SEMA3D: variants seen among roughly 807,000 people sequenced by gnomAD.
SEMA3D encodes the protein semaphorin-3D.
SEMA3D carries 84 observed loss-of-function variants against 100.1 expected under a neutral mutation model. The ratio of observed to expected loss-of-function variants is 0.84; its 90% CI spans 0.70 to 1.01. SEMA3D has a LOEUF of 1.01. SEMA3D is among the 50% of genes least tolerant of loss of function. The pLI is 0.00. For missense variants in SEMA3D, 875 were observed against 934.1 expected, an observed-to-expected ratio of 0.94 and a Z score of 0.82; for synonymous variants, 312 against 320.7, an observed-to-expected ratio of 0.97 and a Z score of 0.29.
intron 4 of SEMA3D, among the ~76,000 whole-genome samples, chr7:85,091,473 A>AT (rs942143978): frequency 5.9e-4 from 89 of 150,560 alleles, no homozygotes; most frequent in African/African-American, 1.9e-3. Flanking sequence ...AGTATTGCAT[A>AT]TTTTTTTTTA....
chr7:85,068,393 G>T (rs1176457514), intron 6 of SEMA3D, 109 bp from the exon 7 acceptor site: 2 of 662,202 alleles, frequency 3.0e-6, no homozygotes, highest in African/African-American at 3.6e-5. Flanking sequence ...AAAACTAATT[G>T]AGCATATAGC....
chr7:85,201,511 GTTTAT>G, the SEMA3D span, among the ~76,000 whole-genome samples: 1 of 152,036 alleles, frequency 6.6e-6, no homozygotes, highest in Non-Finnish European at 1.5e-5. Context: ...ATTTTGGGAT[GTTTAT>G]TTTATTATTT....
chr7:85,066,351 G>T (rs1791619701), intron 7 of SEMA3D, among the ~76,000 whole-genome samples: 1 of 151,740 alleles, frequency 6.6e-6, no homozygotes, highest in Admixed American at 6.6e-5. Flanking sequence ...AGGAAGAGGG[G>T]GAAAAGAGGA....
Position 85,022,448 on chromosome 7 carries a change from C to A in SEMA3D, c.1357G>T (p.Val453Leu), listed in dbSNP as rs771780676. The part of the protein sequence containing the change: ...INVDYRLTQI[V>L]VDHVIAEDGQ... ...TCTTCTGCAATGACATGATCCACCA[C>A]TATCTGTGTCAGTCTGTAATCCACA... Residue 453 changes from valine to leucine, a missense_variant, in exon 13 of 19, where the codon GTG (valine) becomes TTG (leucine). Coordinates refer to ENST00000284136, the MANE Select transcript of SEMA3D (RefSeq NM_001384900.1). 1.9e-6 allele frequency: 3 copies of A among 1,612,448 alleles called. No individual in the cohort carries two copies. The highest frequency in any genetic ancestry group is 1.7e-5 in the Admixed American group (1 of 59,900).
upstream of SEMA3D, among the ~76,000 whole-genome samples, chr7:85,190,326 A>C (rs1284674821): frequency 2.0e-5 from 3 of 152,184 alleles, no homozygotes; most frequent in Non-Finnish European, 4.4e-5. Context: ...TTAGTCATTC[A>C]GAAAACCTCT....
chr7:85,184,955 C>T (rs1791501058), intron 1 of SEMA3D, among the ~76,000 whole-genome samples: 1 of 152,220 alleles, frequency 6.6e-6, no homozygotes, highest in Non-Finnish European at 1.5e-5. Flanking sequence ...CTTGCTCATC[C>T]TCCTTGCTGT....
intron 3 of SEMA3D, among the ~76,000 whole-genome samples, chr7:85,112,765 G>T (rs1052436410): frequency 6.6e-6 from 1 of 152,110 alleles, no homozygotes; most frequent in Non-Finnish European, 1.5e-5. Context: ...GTCATTCTCT[G>T]GCTTTATAGC....
In SEMA3D at chr7:84,999,827, C is replaced by T. The variant is rs1789607396; in HGVS notation, c.1947G>A (p.Gly649=). ...PDERIIKTEY[G]LLIRSLQKKD... The stretch of plus-strand genomic sequence containing the variant: ...TCTTCTGCAAACTTCGAATCAGTAG[C>T]CCATATTCCGTTTTGATGATTCTTT... The change falls in exon 19 of 19, where the codon GGG becomes GGA. Residue 649 remains glycine (G), a synonymous_variant. Transcript: ENST00000284136. The T allele has an allele frequency of 6.2e-7, 1 of 1,613,706 alleles. No homozygotes were observed. Among genetic ancestry groups the T allele is most frequent in the African/African-American group, 1.3e-5 (1 of 74,888 alleles).
chr7:85,184,643 C>T (rs745654051), intron 1 of SEMA3D, among the ~76,000 whole-genome samples: 8 of 152,152 alleles, frequency 5.3e-5, no homozygotes, highest in Non-Finnish European at 1.2e-4. Flanking sequence ...AGGAACTTTC[C>T]ATTTCACAAT....
chr7:85,242,519 T>A, the SEMA3D span, among the ~76,000 whole-genome samples: 3 of 152,182 alleles, frequency 2.0e-5, no homozygotes, highest in African/African-American at 7.2e-5. Flanking sequence ...TGTCTCTAGT[T>A]TAATTTCATT....
intron 4 of SEMA3D, among the ~76,000 whole-genome samples, chr7:85,088,302 T>A (rs1312295360): frequency 6.6e-6 from 1 of 152,200 alleles, no homozygotes; most frequent in Non-Finnish European, 1.5e-5. Flanking sequence ...ATCTGCTCTT[T>A]GTTTCATCTT....
At chr7:85,176,323 T>C (rs1791224838) in intron 1 of SEMA3D, among the ~76,000 whole-genome samples, 1 of 152,196 alleles carries the variant, frequency 6.6e-6, no homozygotes, top group Admixed American at 6.5e-5. Flanking sequence ...TTGATCTTAG[T>C]CTTTTCAGAC....
intron 9 of SEMA3D, among the ~76,000 whole-genome samples, chr7:85,043,606 A>G (rs903854348): frequency 6.6e-6 from 1 of 152,132 alleles, no homozygotes; most frequent in Non-Finnish European, 1.5e-5. Context: ...TCCCGACCCA[A>G]ATCTCATCTT....
intron 5 of SEMA3D, among the ~76,000 whole-genome samples, chr7:85,075,386 C>T (rs185613778): frequency 6.7e-6 from 1 of 149,370 alleles, no homozygotes; most frequent in East Asian, 2.0e-4. Flanking sequence ...TCCAGGGCAA[C>T]ATTTTATACA....
At chr7:85,103,073 C>T (rs1033914969) in intron 3 of SEMA3D, among the ~76,000 whole-genome samples, 6 of 152,070 alleles carry the variant, frequency 3.9e-5, no homozygotes, top group African/African-American at 1.4e-4. Context: ...TAGGCTGACA[C>T]ACACATTATG....
At chr7:85,013,389 T>A (rs1446028591) in intron 16 of SEMA3D, among the ~76,000 whole-genome samples, 1 of 151,806 alleles carries the variant, frequency 6.6e-6, no homozygotes, top group African/African-American at 2.4e-5. Context: ...TACCTGTTAT[T>A]TCTATCTGCT....
the SEMA3D span, among the ~76,000 whole-genome samples, chr7:85,213,847 A>C: frequency 6.6e-6 from 1 of 152,116 alleles, no homozygotes; most frequent in African/African-American, 2.4e-5. Flanking sequence ...TATTATGCTA[A>C]ATTTAATTTA....
intron 15 of SEMA3D, 112 bp from the exon 16 acceptor site, chr7:85,015,328 G>T: frequency 2.1e-6 from 2 of 974,252 alleles, no homozygotes; most frequent in Non-Finnish European, 1.6e-6. Context: ...TGGGTGTCCT[G>T]CCCATTGTAA....
intron 1 of SEMA3D, among the ~76,000 whole-genome samples, chr7:85,166,112 G>A (rs1487099827): frequency 6.6e-6 from 1 of 151,900 alleles, no homozygotes; most frequent in Non-Finnish European, 1.5e-5. Flanking sequence ...GAATGATACT[G>A]TTCTTACTTT....
Sources: gnomAD v4.1 joint callset for allele counts (sites outside exome capture counted in the v4.1 genomes callset) on GRCh38, gnomAD v4.1.1 for gene constraint, MANE v1.5 for transcripts, NCBI Gene and HGNC (gene_info 2026-07-23, HGNC 2026-07-21) for gene names.